The following SCG5 variants were observed in gnomAD, a reference collection of about 807,000 sequenced individuals.
The protein encoded by SCG5 is secretogranin V.
In SCG5, 18 loss-of-function variants were observed where a neutral mutation model predicts 25.7. The observed-to-expected ratio is 0.70, with a 90% CI of 0.48 to 1.04. The LOEUF is 1.04. SCG5 is among the 50% of genes least tolerant of loss of function. The pLI is 0.00. For synonymous variants in SCG5, 101 were observed against 91.7 expected, an observed-to-expected ratio of 1.10 and a Z score of -0.58; for missense variants, 206 against 259.8, an observed-to-expected ratio of 0.79 and a Z score of 1.42.
intron 2 of SCG5, among the ~76,000 whole-genome samples, chr15:32,659,080 G>A (rs910636710): frequency 1.3e-5 from 2 of 152,152 alleles, no homozygotes; most frequent in African/African-American, 4.8e-5. Context: ...GGAGGCTGAG[G>A]CAGGAGAATG....
chr15:32,682,988 C>G (rs766510271), intron 3 of SCG5, among the ~76,000 whole-genome samples: 8 of 152,258 alleles, frequency 5.3e-5, no homozygotes, highest in Middle Eastern at 3.4e-3. Flanking sequence ...CAGAGGTACA[C>G]CAGAAACAAT....
intron 5 of SCG5, chr15:32,692,083 G>T: frequency 8.4e-7 from 1 of 1,191,028 alleles, no homozygotes; most frequent in Non-Finnish European, 1.0e-6. Context: ...GGGTCTGTCT[G>T]CCCTCCCAGG....
Position 32,672,367 on chromosome 15 carries a change from G to C in SCG5, c.227-7399G>C, listed in dbSNP as rs947481183. Among the ~76,000 whole-genome samples the C allele has an allele frequency of 2.0e-5, 3 of 152,258 alleles. No individual in the cohort carries two copies. In the East Asian group the frequency reaches 5.8e-4, roughly 29 times the overall value. On this transcript the variant is annotated intron_variant, in intron 2 of 5. Coordinates refer to ENST00000300175, the MANE Select transcript of SCG5 (RefSeq NM_001144757.3). ...TGAGGGGTGCGAATGGGACGATGCT[G>C]GCTGCGGGCTTGTCAGGGTGTTCCC...
chr15:32,674,311 G>A (rs1359975730), intron 2 of SCG5, among the ~76,000 whole-genome samples: 2 of 152,080 alleles, frequency 1.3e-5, no homozygotes, highest in Admixed American at 1.3e-4. Context: ...GGAAACCTCT[G>A]TTAATTCGGA....
At chr15:32,661,094 C>G (rs886919656) in intron 2 of SCG5, among the ~76,000 whole-genome samples, 1 of 152,182 alleles carries the variant, frequency 6.6e-6, no homozygotes, top group Non-Finnish European at 1.5e-5. Flanking sequence ...ATTTTGCCCT[C>G]AGAAATCATA....
intron 2 of SCG5, chr15:32,666,559 GTATTAT>G (rs1176576288): frequency 6.6e-6 from 1 of 152,152 alleles, no homozygotes; most frequent in African/African-American, 2.4e-5. Flanking sequence ...TCTCAATGAA[GTATTAT>G]TATCACCCCT....
intron 2 of SCG5, among the ~76,000 whole-genome samples, chr15:32,658,373 A>G (rs561753610): frequency 7.9e-4 from 120 of 152,178 alleles, no homozygotes; most frequent in Non-Finnish European, 1.5e-3. Flanking sequence ...TAGAGAAGAC[A>G]TCACAGATCA....
At chr15:32,663,017 C>A (rs2054247017) in intron 2 of SCG5, among the ~76,000 whole-genome samples, 1 of 112,790 alleles carries the variant, frequency 8.9e-6, no homozygotes, top group Non-Finnish European at 1.7e-5. Context: ...AAGATTAGGG[C>A]TGTTAAAAAA....
intron 5 of SCG5, chr15:32,691,990 G>A: frequency 1.4e-6 from 2 of 1,407,124 alleles, no homozygotes; most frequent in Non-Finnish European, 9.2e-7. Flanking sequence ...CGCGCAGTCT[G>A]TAGCAATTCT....
At chr15:32,683,312 T>C (rs35703183) in intron 3 of SCG5, among the ~76,000 whole-genome samples, 53,253 of 151,940 alleles carry the variant, frequency 0.35, 9,777 homozygotes, top group East Asian at 0.64. Flanking sequence ...ACCCTCCTTC[T>C]TCCCCCTAAC....
intron 2 of SCG5, among the ~76,000 whole-genome samples, chr15:32,649,721 G>C (rs1293387338): frequency 6.7e-6 from 1 of 149,896 alleles, no homozygotes; most frequent in African/African-American, 2.4e-5. Context: ...TCTTTCAAAT[G>C]TGTAAATTCT....
intron 2 of SCG5, among the ~76,000 whole-genome samples, chr15:32,666,903 C>G (rs2054327314): frequency 6.6e-6 from 1 of 152,204 alleles, no homozygotes; most frequent in Non-Finnish European, 1.5e-5. Flanking sequence ...CTCTATACAC[C>G]TGCTCTGACC....
chr15:32,693,457 T>C (rs975322059), intron 5 of SCG5, among the ~76,000 whole-genome samples: 3 of 152,188 alleles, frequency 2.0e-5, no homozygotes, highest in Admixed American at 2.0e-4. Context: ...CCCATTCTCA[T>C]GCCATAAACC....
chr15:32,696,380 G>A (rs1595826665), intron 5 of SCG5, 134 bp from the exon 6 acceptor site: 4 of 602,366 alleles, frequency 6.6e-6, no homozygotes, highest in South Asian at 5.7e-5. Context: ...GCCTCCCAAA[G>A]TGCTGGGATT....
At chr15:32,672,438 C>CT (rs1219019120) in intron 2 of SCG5, among the ~76,000 whole-genome samples, 1 of 152,218 alleles carries the variant, frequency 6.6e-6, no homozygotes, top group Non-Finnish European at 1.5e-5. Context: ...CCGGATGTTC[C>CT]AAACCTCCAG....
Position 32,679,733 on chromosome 15 carries a change from C to T in SCG5, c.227-33C>T, listed in dbSNP as rs7177843. 0.25 allele frequency: 401,733 copies of T among 1,606,720 alleles called. 56,014 individuals carry two copies. Among genetic ancestry groups the T allele is most frequent in the East Asian group, 0.59 (26,421 of 44,816 alleles). ...ATATTGGTTGAAATTAATTGAATTG[C>T]ACTGCAATGAACTACTTCTGATTCC... On this transcript the variant is annotated intron_variant, in intron 2 of 5. Transcript: ENST00000300175.
At position 32,694,483 on chromosome 15, in the gene SCG5, T is replaced by G. The variant is rs113497491; in HGVS notation, c.544-2031T>G. Reference sequence around the variant, plus strand: ...AATATTTGAGCTCTACTATTGATCTTATTTAAACAGTTTATGAACCTTTTA... The same window carrying G: ...AATATTTGAGCTCTACTATTGATCTGATTTAAACAGTTTATGAACCTTTTA... On this transcript the variant is annotated intron_variant, in intron 5 of 5. Transcript: ENST00000300175. Among the ~76,000 whole-genome samples, 239 of 152,376 alleles carry G rather than the reference T, an allele frequency of 1.6e-3. 2 individuals carry two copies. Among genetic ancestry groups the G allele is most frequent in the African/African-American group, 5.6e-3 (232 of 41,594 alleles).
chr15:32,650,546 A>G (rs1353779003), intron 2 of SCG5, among the ~76,000 whole-genome samples: 2 of 152,200 alleles, frequency 1.3e-5, no homozygotes, highest in African/African-American at 4.8e-5. Context: ...CTACTGTTGT[A>G]TTATCCCCAG....
At chr15:32,665,128 T>C (rs1324361742) in intron 2 of SCG5, among the ~76,000 whole-genome samples, 1 of 152,224 alleles carries the variant, frequency 6.6e-6, no homozygotes, top group Non-Finnish European at 1.5e-5. Flanking sequence ...AAAAAAGTCT[T>C]ATATCTCACA....
Sources: gnomAD v4.1 joint callset for allele counts (sites outside exome capture counted in the v4.1 genomes callset) on GRCh38, gnomAD v4.1.1 for gene constraint, MANE v1.5 for transcripts, NCBI Gene and HGNC (gene_info 2026-07-23, HGNC 2026-07-21) for gene names.